PAN3: variants seen among roughly 807,000 people sequenced by gnomAD.
The protein encoded by PAN3 is PAN2-PAN3 deadenylation complex subunit PAN3.
A neutral mutation model predicts 96.2 loss-of-function variants in PAN3; 19 were observed. That is an observed-to-expected ratio of 0.20 (90% confidence interval 0.14 to 0.29). PAN3 has a LOEUF of 0.29. Ranked by LOEUF, PAN3 falls within the 10% of genes least tolerant of loss-of-function variation. The probability of loss-of-function intolerance (pLI) is 1.00; values close to 1 mark genes in which losing one functional copy is unlikely to be tolerated. For synonymous variants in PAN3, 433 were observed against 406.6 expected (o/e 1.06, Z -0.78); for missense variants, 882 against 1,108.1 (o/e 0.80, Z 2.90).
rs1555267660 is a variant in PAN3 at position 28,144,718 on chromosome 13, CTTTT to C, written c.430+5649_430+5652del. On this transcript the variant is annotated intron_variant, in intron 1 of 18. Transcript: ENST00000380958. ...TATCAAAAGCAAACCAAAACATCAT[CTTTT>C]TTTTTTTTTTTTTTTTTCCTCAGAG... Among the ~76,000 whole-genome samples, 213 of 46,776 alleles carry C rather than the reference CTTTT, an allele frequency of 4.6e-3. 1 individual carries two copies. The highest frequency in any genetic ancestry group is 0.014 in the African/African-American group (205 of 14,400). The allele number at this position is 46,776 out of a possible 152,430, so 30.7% of individuals were successfully genotyped here.
chr13:28,201,600 C>G (rs751919828), intron 5 of PAN3, among the ~76,000 whole-genome samples: 1 of 151,438 alleles, frequency 6.6e-6, no homozygotes, highest in Non-Finnish European at 1.5e-5. Context: ...GGGTCTCACT[C>G]TGTTGCCTAG....
rs543936416 is a variant in PAN3 at position 28,188,478 on chromosome 13, A to G, written c.691-8707A>G. Reference sequence around the variant, plus strand: ...TAATGGAGCATGGTGGTGTGCACGCATAGTGCCAGCTATGTGGGAGACTGA... The same window carrying G: ...TAATGGAGCATGGTGGTGTGCACGCGTAGTGCCAGCTATGTGGGAGACTGA... On this transcript the variant is annotated intron_variant, in intron 4 of 18. Coordinates refer to ENST00000380958, the MANE Select transcript of PAN3 (RefSeq NM_175854.8). Among the ~76,000 whole-genome samples, 42 of 152,272 alleles carry G rather than the reference A, an allele frequency of 2.8e-4. No individual in the cohort carries two copies. In the South Asian group the frequency reaches 6.4e-3, roughly 23 times the overall value.
intron 6 of PAN3, among the ~76,000 whole-genome samples, chr13:28,237,874 T>A (rs775813068): frequency 2.6e-5 from 4 of 152,140 alleles, no homozygotes; most frequent in Non-Finnish European, 4.4e-5. Flanking sequence ...TCTGTATGTA[T>A]GCACAATGGT....
intron 4 of PAN3, among the ~76,000 whole-genome samples, chr13:28,183,400 C>G (rs1355044080): frequency 6.6e-6 from 1 of 152,158 alleles, no homozygotes; most frequent in East Asian, 1.9e-4. Flanking sequence ...TTAATGCCCT[C>G]AGAACTATTA....
At chr13:28,169,800 G>A (rs1289144840) in intron 1 of PAN3, among the ~76,000 whole-genome samples, 1 of 152,000 alleles carries the variant, frequency 6.6e-6, no homozygotes, top group East Asian at 1.9e-4. Flanking sequence ...TGTAATCCCA[G>A]CACTTTGGGA....
chr13:28,282,512 A>G (rs900942231), intron 17 of PAN3, among the ~76,000 whole-genome samples: 1 of 152,220 alleles, frequency 6.6e-6, no homozygotes, highest in African/African-American at 2.4e-5. Flanking sequence ...CTTTACTTTA[A>G]AATGTCTGCT....
chr13:28,141,462 C>CTTTTTTTTTTTTTTTTT (rs759736683), intron 1 of PAN3, among the ~76,000 whole-genome samples: 2 of 90,348 alleles, frequency 2.2e-5, no homozygotes, highest in African/African-American at 4.3e-5. Flanking sequence ...TTCTTTTTTT[C>CTTTTTTTTTTTTTTTTT]TTTTTTTTTT....
At chr13:28,230,204 C>G (rs1289188203) in intron 6 of PAN3, among the ~76,000 whole-genome samples, 1 of 151,976 alleles carries the variant, frequency 6.6e-6, no homozygotes, top group East Asian at 1.9e-4. Flanking sequence ...TTCTGAATAA[C>G]TAGAGTTATT....
rs568712279 is a variant in PAN3, at chr13:28,143,120, G to GT, written c.430+4041dup. ...ATTTTTTGTTTTTGTTTTTGTTTTT[G>GT]TTTTTTTTGAGGAGGGGGTTGGGAG... On this transcript the variant is annotated intron_variant, in intron 1 of 18. Transcript: ENST00000380958. 1.9e-4 allele frequency among the ~76,000 whole-genome samples: 28 copies of GT among 150,790 alleles called. No homozygotes were observed. The East Asian group carries it at 2.1e-3, about 11-fold the overall frequency.
chr13:28,219,133 A>C (rs1881117276), intron 5 of PAN3, among the ~76,000 whole-genome samples: 1 of 152,158 alleles, frequency 6.6e-6, no homozygotes, highest in African/African-American at 2.4e-5. Context: ...TATAGTTGGA[A>C]ATTTTTTAAA....
chr13:28,139,125 A>C, intron 1 of PAN3, 38 bp downstream of exon 1: 1 of 1,276,816 alleles, frequency 7.8e-7, no homozygotes, highest in South Asian at 2.6e-5. Context: ...GCGGCGGCGG[A>C]GGGCAGGCCT....
chr13:28,291,473 TAAAATC>T (rs1869736871), intron 18 of PAN3, among the ~76,000 whole-genome samples: 1 of 152,144 alleles, frequency 6.6e-6, no homozygotes, highest in Admixed American at 6.6e-5. Flanking sequence ...TAATAGTAGT[TAAAATC>T]TAAATTTAAA....
At chr13:28,168,394 T>C (rs1211393008) in intron 1 of PAN3, among the ~76,000 whole-genome samples, 1 of 152,170 alleles carries the variant, frequency 6.6e-6, no homozygotes, top group Non-Finnish European at 1.5e-5. Flanking sequence ...AATAAACCTT[T>C]AATACAGATG....
intron 1 of PAN3, 130 bp from the exon 2 acceptor site, chr13:28,174,142 T>G: frequency 1.0e-6 from 1 of 977,640 alleles, no homozygotes; most frequent in South Asian, 1.7e-5. Flanking sequence ...ATCTTACCTG[T>G]TATGAACTGG....
rs1875048985 is a variant in PAN3 at position 28,176,656 on chromosome 13, C to T, written c.619+97C>T. The stretch of plus-strand genomic sequence containing the variant: ...TTGTAGAAATTTTGAAAATTGTAAA[C>T]GGGCATAAAGAAGAAAATAAAAATT... On this transcript the variant is annotated intron_variant, in intron 3 of 18. Coordinates refer to ENST00000380958, the MANE Select transcript of PAN3 (RefSeq NM_175854.8). 6.8e-6 allele frequency: 8 copies of T among 1,175,374 alleles called. No individual in the cohort carries two copies. In the Admixed American group the frequency reaches 1.0e-4, roughly 15 times the overall value. 72.8% of individuals were successfully genotyped at this position (1,175,374 alleles called of 1,614,324 possible).
Position 28,293,420 on chromosome 13 carries a change from CG to C in PAN3, c.*905del, listed in dbSNP as rs1223035391. 1 of 24,108 alleles carries C rather than the reference CG, an allele frequency of 4.1e-5. No individual in the cohort carries two copies. Among genetic ancestry groups the C allele is most frequent in the African/African-American group, 1.9e-4 (1 of 5,312 alleles). 1.5% of individuals were successfully genotyped at this position (24,108 alleles called of 1,614,324 possible). ...TTTTTTTTTTTTTTTTTTTTTTGGG[CG>C]GGGGGGAGGTTTATGAAGTTTTGCT... is the stretch of plus-strand genomic sequence containing the variant. On this transcript the variant is annotated 3_prime_UTR_variant, in exon 19 of 19. Transcript: ENST00000380958.
chr13:28,253,199 A>G (rs1402855099), intron 6 of PAN3, among the ~76,000 whole-genome samples: 3 of 152,206 alleles, frequency 2.0e-5, no homozygotes, highest in East Asian at 3.8e-4. Flanking sequence ...TTAACTTTCA[A>G]TCAGATTTTC....
At chr13:28,149,327 C>A (rs188199641) in intron 1 of PAN3, among the ~76,000 whole-genome samples, 1 of 152,136 alleles carries the variant, frequency 6.6e-6, no homozygotes, top group Non-Finnish European at 1.5e-5. Context: ...CATGCCACTG[C>A]CCTCCAGCAA....
rs1339835129 is a variant in PAN3, at chr13:28,256,317, C to T, written c.1026C>T (p.Ser342=). Residue 342 remains serine (S), a synonymous_variant, in exon 7 of 19, where the codon TCC becomes TCT. Transcript: ENST00000380958. ...GAATGTCGTTGTCTGCTGGGTCTTC[C>T]CCTCTTCATTCCCCCAAGATTACTC... ...APGMSLSAGS[S]PLHSPKITPH... is the part of the protein sequence containing the mutation. 1 of 1,613,618 alleles carries T rather than the reference C, an allele frequency of 6.2e-7. No homozygotes were observed. The highest frequency in any genetic ancestry group is 2.2e-5 in the East Asian group (1 of 44,886).
Sources: gnomAD v4.1 joint callset for allele counts (sites outside exome capture counted in the v4.1 genomes callset) on GRCh38, gnomAD v4.1.1 for gene constraint, MANE v1.5 for transcripts, NCBI Gene and HGNC (gene_info 2026-07-23, HGNC 2026-07-21) for gene names.